ELOVL6: variants seen among roughly 807,000 people sequenced by gnomAD.
ELOVL6 encodes ELOVL fatty acid elongase 6.
Under a neutral mutation model 31.7 loss-of-function variants are expected in ELOVL6, and 8 were observed. The ratio of observed to expected loss-of-function variants is 0.25; its 90% CI spans 0.15 to 0.45. The LOEUF (loss-of-function observed/expected upper bound fraction) is 0.45, where lower values mean the gene tolerates loss of function less well. Ranked by LOEUF, ELOVL6 falls within the 20% of genes least tolerant of loss-of-function variation. The probability of loss-of-function intolerance (pLI) is 1.00; values close to 1 mark genes in which losing one functional copy is unlikely to be tolerated. For missense variants in ELOVL6, 126 were observed against 326.4 expected (o/e 0.39, Z 4.73); for synonymous variants, 101 against 117.7 (o/e 0.86, Z 0.92).
intron 2 of ELOVL6, among the ~76,000 whole-genome samples, chr4:110,074,258 A>T (rs1755569320): frequency 6.6e-6 from 1 of 152,222 alleles, no homozygotes; most frequent in African/African-American, 2.4e-5. Flanking sequence ...GATTACTTAT[A>T]ATAACACAAT....
chr4:110,186,803 C>CAAA (rs397994948), intron 1 of ELOVL6, among the ~76,000 whole-genome samples: 50 of 82,526 alleles, frequency 6.1e-4, no homozygotes, highest in Admixed American at 1.3e-3. Flanking sequence ...GACTCTGTCT[C>CAAA]AAAAAAAAAA....
At chr4:110,144,174 A>C (rs1758043521) in intron 1 of ELOVL6, among the ~76,000 whole-genome samples, 1 of 152,026 alleles carries the variant, frequency 6.6e-6, no homozygotes, top group Non-Finnish European at 1.5e-5. Flanking sequence ...TCTTTGACCC[A>C]CTAGCTAGAT....
chr4:110,087,214 A>G (rs1036276476), intron 2 of ELOVL6, among the ~76,000 whole-genome samples: 2 of 152,088 alleles, frequency 1.3e-5, no homozygotes, highest in African/African-American at 4.8e-5. Flanking sequence ...CCCCACAAGG[A>G]TTTGATGAAT....
intron 3 of ELOVL6, among the ~76,000 whole-genome samples, chr4:110,053,141 C>T (rs1377603828): frequency 6.6e-6 from 1 of 152,168 alleles, no homozygotes. Flanking sequence ...TCTTGAACTC[C>T]TGAGCTCAAG....
intron 2 of ELOVL6, among the ~76,000 whole-genome samples, chr4:110,072,855 T>G (rs898729965): frequency 6.6e-6 from 1 of 152,136 alleles, no homozygotes; most frequent in Non-Finnish European, 1.5e-5. Flanking sequence ...GTCACCCTAT[T>G]GTACTTCAAA....
intron 1 of ELOVL6, among the ~76,000 whole-genome samples, chr4:110,162,180 A>C (rs1758649531): frequency 6.6e-6 from 1 of 152,220 alleles, no homozygotes. Flanking sequence ...AACAGTAGAA[A>C]ACTGAGCAAA....
chr4:110,191,499 C>T (rs1759620825), intron 1 of ELOVL6, among the ~76,000 whole-genome samples: 1 of 152,016 alleles, frequency 6.6e-6, no homozygotes, highest in African/African-American at 2.4e-5. Flanking sequence ...ATGTCTGGTT[C>T]CTATTAATAA....
At chr4:110,089,239 AG>A (rs1226031829) in intron 2 of ELOVL6, among the ~76,000 whole-genome samples, 3 of 152,212 alleles carry the variant, frequency 2.0e-5, no homozygotes, top group Admixed American at 1.3e-4. Context: ...TGGAGACGGT[AG>A]TGTATAAAAA....
At chr4:110,141,063 GT>G (rs376811801) in intron 1 of ELOVL6, among the ~76,000 whole-genome samples, 3,031 of 151,732 alleles carry the variant, frequency 0.02, 98 homozygotes, top group African/African-American at 0.064. Flanking sequence ...TATTGAATTG[GT>G]TTTTTTTGTT....
intron 1 of ELOVL6, among the ~76,000 whole-genome samples, chr4:110,170,338 C>T (rs1229720443): frequency 6.6e-6 from 1 of 152,216 alleles, no homozygotes; most frequent in African/African-American, 2.4e-5. Flanking sequence ...TTGCATGTTA[C>T]TTCTAGAACA....
intron 2 of ELOVL6, among the ~76,000 whole-genome samples, chr4:110,099,637 C>T (rs1404230698): frequency 1.3e-5 from 2 of 152,286 alleles, no homozygotes; most frequent in East Asian, 3.9e-4. Context: ...AGACATCCTG[C>T]TTTGATCTGT....
rs192378869 is a variant in ELOVL6 at position 110,121,457 on chromosome 4, T to G, written c.90-15829A>C. Among the ~76,000 whole-genome samples the G allele has an allele frequency of 3.3e-5, 5 of 152,310 alleles. No individual in the cohort carries two copies. In the East Asian group the frequency reaches 7.7e-4, roughly 23 times the overall value. ...TTAAAAGGTAACTATAAATCTTAGT[T>G]ACCAAGAAATCCCAGTTGGTTCTTA... On this transcript the variant is annotated intron_variant, in intron 1 of 3. Coordinates refer to ENST00000302274, the MANE Select transcript of ELOVL6 (RefSeq NM_024090.3).
intron 2 of ELOVL6, among the ~76,000 whole-genome samples, chr4:110,088,107 T>C (rs1321074043): frequency 3.3e-5 from 5 of 152,184 alleles, no homozygotes; most frequent in Non-Finnish European, 7.4e-5. Context: ...CAAGGTGACC[T>C]TGACCCTCAG....
intron 1 of ELOVL6, among the ~76,000 whole-genome samples, chr4:110,164,747 A>AT (rs1180692902): frequency 1.3e-3 from 159 of 125,164 alleles, no homozygotes; most frequent in Non-Finnish European, 2.2e-3. Context: ...TCAAAAAAAA[A>AT]AAAAAAAAGA....
chr4:110,110,749 A>C (rs1325627177), intron 1 of ELOVL6, among the ~76,000 whole-genome samples: 2 of 152,146 alleles, frequency 1.3e-5, no homozygotes, highest in Non-Finnish European at 2.9e-5. Context: ...TCTGACAAAC[A>C]ATTTTGTGAA....
chr4:110,089,384 G>A (rs1186745649), intron 2 of ELOVL6, among the ~76,000 whole-genome samples: 1 of 152,078 alleles, frequency 6.6e-6, no homozygotes, highest in East Asian at 1.9e-4. Flanking sequence ...AATACAAAGG[G>A]CTGACTTTTC....
At chr4:110,131,755 T>G (rs999987995) in intron 1 of ELOVL6, among the ~76,000 whole-genome samples, 3 of 152,178 alleles carry the variant, frequency 2.0e-5, no homozygotes, top group Non-Finnish European at 4.4e-5. Context: ...GACCTCACTT[T>G]AAGAAACACT....
rs149752874 is a variant in ELOVL6, at chr4:110,050,418, C to G, written c.*920G>C. ...AGCTCACAGTGGTCCTGGGCCGGGC[C>G]TTTTTACAAATACTACAGAACCCGT... On this transcript the variant is annotated 3_prime_UTR_variant, in exon 4 of 4. Transcript: ENST00000302274. 1.3e-4 allele frequency: 20 copies of G among 152,372 alleles called. No individual in the cohort carries two copies. In the East Asian group the frequency reaches 3.7e-3, roughly 28 times the overall value. The allele number at this position is 152,372 out of a possible 1,614,324, so 9.4% of individuals were successfully genotyped here. A position where few individuals can be genotyped will look rare whatever the true frequency, so the allele number is the denominator to read the frequency against.
At chr4:110,139,869 T>C (rs1019235719) in intron 1 of ELOVL6, among the ~76,000 whole-genome samples, 1 of 152,184 alleles carries the variant, frequency 6.6e-6, no homozygotes, top group Non-Finnish European at 1.5e-5. Context: ...CTCTAGTGTT[T>C]AAGGTGCGCT....
Sources: allele counts gnomAD v4.1 joint callset (sites outside exome capture counted in the v4.1 genomes callset), GRCh38; gene constraint gnomAD v4.1.1; transcripts MANE v1.5; gene names NCBI Gene and HGNC (gene_info 2026-07-23, HGNC 2026-07-21).